FAM20B: variants seen among roughly 807,000 people sequenced by gnomAD.
The protein encoded by FAM20B is glycosaminoglycan xylosylkinase.
A neutral mutation model predicts 43.8 loss-of-function variants in FAM20B; 23 were observed. That is an observed-to-expected ratio of 0.53 (90% confidence interval 0.38 to 0.74). FAM20B has a LOEUF of 0.74. FAM20B is among the 30% of genes least tolerant of loss of function. FAM20B has a pLI of 0.00. For synonymous variants in FAM20B, 178 were observed against 192.4 expected, an observed-to-expected ratio of 0.93 and a Z score of 0.62; for missense variants, 440 against 510.5, an observed-to-expected ratio of 0.86 and a Z score of 1.33.
At chr1:179,031,075 A>G (rs984139041) in intron 1 of FAM20B, among the ~76,000 whole-genome samples, 4 of 152,176 alleles carry the variant, frequency 2.6e-5, no homozygotes, top group African/African-American at 7.2e-5. Flanking sequence ...TGCGAGGTCT[A>G]TTGTTGTATA....
chr1:179,031,591 G>A (rs931839084), intron 1 of FAM20B, among the ~76,000 whole-genome samples: 9 of 152,148 alleles, frequency 5.9e-5, no homozygotes, highest in Admixed American at 4.6e-4. Context: ...AATGGTTTTA[G>A]TTGCCTTCCT....
chr1:179,067,332 C>T (rs1651731822), intron 7 of FAM20B, among the ~76,000 whole-genome samples: 1 of 152,196 alleles, frequency 6.6e-6, no homozygotes, highest in Admixed American at 6.5e-5. Flanking sequence ...TGGCCAGGCA[C>T]AGTGGCTCAC....
chr1:179,019,177 A>G, the FAM20B span, among the ~76,000 whole-genome samples: 1 of 152,164 alleles, frequency 6.6e-6, no homozygotes, highest in Non-Finnish European at 1.5e-5. Flanking sequence ...TAGAAATAAT[A>G]TTTATCTGGG....
chr1:179,024,076 G>T (rs530186219), upstream of FAM20B, among the ~76,000 whole-genome samples: 2 of 152,124 alleles, frequency 1.3e-5, no homozygotes, highest in South Asian at 4.1e-4. Context: ...CAATTTTGTC[G>T]TCTGAAAGCC....
chr1:179,042,674 G>A (rs1172300020), intron 1 of FAM20B, among the ~76,000 whole-genome samples: 1 of 152,198 alleles, frequency 6.6e-6, no homozygotes, highest in African/African-American at 2.4e-5. Flanking sequence ...CTGGGGGTGA[G>A]CAAAGTGGAG....
At chr1:179,051,626 CAATAAAATAA>C (rs577697503) in intron 3 of FAM20B, among the ~76,000 whole-genome samples, 2 of 151,948 alleles carry the variant, frequency 1.3e-5, no homozygotes, top group African/African-American at 4.8e-5. Flanking sequence ...GACCCTGTCT[CAATAAAATAA>C]AATAAAATAA....
rs78374865 is a variant in FAM20B at position 179,039,143 on chromosome 1, G to A, written c.-133-4572G>A. Reference sequence around the variant, plus strand: ...TTTGAGTTGTTAAATGAATTGGAGAGTGAAGCAACATCCTGTTATCTTCTT... The same window carrying A: ...TTTGAGTTGTTAAATGAATTGGAGAATGAAGCAACATCCTGTTATCTTCTT... On this transcript the variant is annotated intron_variant, in intron 1 of 7. Coordinates refer to ENST00000263733, the MANE Select transcript of FAM20B (RefSeq NM_014864.4). Among the ~76,000 whole-genome samples the A allele has an allele frequency of 5.4e-4, 83 of 152,352 alleles. 2 individuals carry two copies. The East Asian group carries it at 0.011, about 20-fold the overall frequency.
intron 2 of FAM20B, among the ~76,000 whole-genome samples, chr1:179,047,494 C>T (rs1650822365): frequency 6.6e-6 from 1 of 152,170 alleles, no homozygotes; most frequent in Non-Finnish European, 1.5e-5. Context: ...TTCTGTCAAA[C>T]TCTGGCCCCC....
At chr1:179,027,624 T>C (rs556222106) in intron 1 of FAM20B, among the ~76,000 whole-genome samples, 13 of 152,234 alleles carry the variant, frequency 8.5e-5, no homozygotes, top group Admixed American at 1.3e-4. Flanking sequence ...CACACACAAG[T>C]ATAATTCAGA....
chr1:179,036,386 G>A lies in FAM20B; in HGVS notation c.-133-7329G>A, dbSNP rs1474155596. Among the ~76,000 whole-genome samples, 3 of 152,134 alleles carry A rather than the reference G, an allele frequency of 2.0e-5. No individual in the cohort carries two copies. In the East Asian group the frequency reaches 5.8e-4, roughly 29 times the overall value. On this transcript the variant is annotated intron_variant, in intron 1 of 7. Coordinates refer to ENST00000263733, the MANE Select transcript of FAM20B (RefSeq NM_014864.4). ...TTGTTTGTTCTTTGAGGTAGTTTCT[G>A]TTCTGCATAACAGAAACATTAAAAT...
Position 179,054,502 on chromosome 1 carries a change from C to T in FAM20B, c.465-27C>T, listed in dbSNP as rs201011595. 273 of 1,440,220 alleles carry T rather than the reference C, an allele frequency of 1.9e-4. No individual in the cohort carries two copies. The African/African-American group carries it at 3.5e-3, about 18-fold the overall frequency. The allele number at this position is 1,440,220 out of a possible 1,614,324, so 89.2% of individuals were successfully genotyped here. A position where few individuals can be genotyped will look rare whatever the true frequency, so the allele number is the denominator to read the frequency against. On this transcript the variant is annotated intron_variant, in intron 3 of 7. Coordinates refer to ENST00000263733, the MANE Select transcript of FAM20B (RefSeq NM_014864.4). ...AAAAAACATCCCCTAAGATTTTTCT[C>T]TTCTGTTCTTCAATCTTCCAAACCA...
rs1396312917 is a variant in FAM20B at position 179,075,677 on chromosome 1, A to G, written c.*3533A>G. 1 of 152,540 alleles carries G rather than the reference A, an allele frequency of 6.6e-6. No homozygotes were observed. The highest frequency in any genetic ancestry group is 2.4e-5 in the African/African-American group (1 of 41,426). The allele number at this position is 152,540 out of a possible 1,614,324, so 9.4% of individuals were successfully genotyped here. ...GGAAGAATTCAGGTACATTAATTGC[A>G]TATTATTTTGGGAAAGATGAGTCCT... On this transcript the variant is annotated 3_prime_UTR_variant, in exon 8 of 8. Coordinates refer to ENST00000263733, the MANE Select transcript of FAM20B (RefSeq NM_014864.4).
Position 179,044,098 on chromosome 1 carries a change from TG to T in FAM20B, c.256del (p.Ala86GlnfsTer23). 1.9e-6 allele frequency: 3 copies of T among 1,614,086 alleles called. No individual in the cohort carries two copies. Among genetic ancestry groups the T allele is most frequent in the Non-Finnish European group, 2.5e-6 (3 of 1,180,004 alleles). ...GTGTACCCTGAAGAGACACCAGAGC[TG>T]GGGGCAGTCATGCATGCCATGGCCA... ...REVYPEETPE[L>X]GAVMHAMATK... On this transcript the variant is annotated frameshift_variant, in exon 2 of 8. Coordinates refer to ENST00000263733, the MANE Select transcript of FAM20B (RefSeq NM_014864.4). LOFTEE classifies it high-confidence loss of function.
Position 179,075,437 on chromosome 1 carries a change from C to A in FAM20B, c.*3293C>A, listed in dbSNP as rs78609757. 2 of 152,366 alleles carry A rather than the reference C, an allele frequency of 1.3e-5. No homozygotes were observed. Among genetic ancestry groups the A allele is most frequent in the Admixed American group, 6.6e-5 (1 of 15,256 alleles). 9.4% of individuals were successfully genotyped at this position (152,366 alleles called of 1,614,324 possible). ...GTTAAAACATGTTTATTCTAAAGTT[C>A]GAATGGATAAATTTGAGTATAAAGG... is the stretch of plus-strand genomic sequence containing the variant. On this transcript the variant is annotated 3_prime_UTR_variant, in exon 8 of 8. Transcript: ENST00000263733.
intron 1 of FAM20B, among the ~76,000 whole-genome samples, chr1:179,027,304 C>G (rs995303552): frequency 6.6e-6 from 1 of 152,186 alleles, no homozygotes; most frequent in African/African-American, 2.4e-5. Flanking sequence ...TTAGAGATCT[C>G]AGTGTTCTTA....
intron 3 of FAM20B, among the ~76,000 whole-genome samples, chr1:179,053,220 T>C (rs1651079759): frequency 6.6e-6 from 1 of 152,192 alleles, no homozygotes; most frequent in Non-Finnish European, 1.5e-5. Context: ...AGTGCCACAG[T>C]AACATTGCCC....
chr1:179,020,032 G>A, the FAM20B span, among the ~76,000 whole-genome samples: 11 of 151,954 alleles, frequency 7.2e-5, no homozygotes, highest in Admixed American at 5.2e-4. Context: ...TCCTCTGTTC[G>A]GGTCACCTCC....
intron 1 of FAM20B, among the ~76,000 whole-genome samples, chr1:179,033,847 C>A (rs1650109217): frequency 6.6e-6 from 1 of 152,138 alleles, no homozygotes; most frequent in Admixed American, 6.6e-5. Context: ...CATGTGCCAC[C>A]ATGCCCAGCT....
At chr1:179,038,195 G>T (rs1320601757) in intron 1 of FAM20B, among the ~76,000 whole-genome samples, 1 of 151,966 alleles carries the variant, frequency 6.6e-6, no homozygotes, top group Non-Finnish European at 1.5e-5. Context: ...GATCACCTGA[G>T]GTCAGGAGTT....
Sources: gnomAD v4.1 joint callset for allele counts (sites outside exome capture counted in the v4.1 genomes callset) on GRCh38, gnomAD v4.1.1 for gene constraint, MANE v1.5 for transcripts, NCBI Gene and HGNC (gene_info 2026-07-23, HGNC 2026-07-21) for gene names.